The following LILRA5 variants were observed in gnomAD, a reference collection of about 807,000 sequenced individuals.
LILRA5 encodes leukocyte immunoglobulin-like receptor subfamily A member 5.
A neutral mutation model predicts 36.3 loss-of-function variants in LILRA5; 31 were observed. The observed-to-expected ratio is 0.85, with a 90% CI of 0.64 to 1.15. The LOEUF (loss-of-function observed/expected upper bound fraction) is 1.15, where lower values mean the gene tolerates loss of function less well. LILRA5 is among the 50% of genes most tolerant of loss of function. LILRA5 has a pLI of 0.00. For synonymous variants in LILRA5, 144 were observed against 144.8 expected, an observed-to-expected ratio of 0.99 and a Z score of 0.04; for missense variants, 348 against 377.4, an observed-to-expected ratio of 0.92 and a Z score of 0.64.
In LILRA5 at chr19:54,307,477, A is replaced by G. The variant is rs1219822725; in HGVS notation, c.836T>C (p.Leu279Pro). The change falls in exon 7 of 7, where the codon CTT becomes CCT. Residue 279 changes from leucine to proline, a missense_variant. Leu to Pro is a moderately conservative substitution (Grantham distance 98). Transcript: ENST00000432233. ...CCAATCCTGAAATATCAGAATCCCA[A>G]GGACCACCAGGATCAAGCCGGCCAT... is the stretch of plus-strand genomic sequence containing the variant. The part of the protein sequence containing the change: ...MGMAGLILVV[L>P]GILIFQDWHS... The G allele has an allele frequency of 6.2e-6, 10 of 1,614,034 alleles. No individual in the cohort carries two copies. The South Asian group carries it at 6.6e-5, about 11-fold the overall frequency.
At chr19:54,310,810 T>C in intron 5 of LILRA5, 1 of 261,664 alleles carries the variant, frequency 3.8e-6, no homozygotes. Context: ...GAGGGTCAGG[T>C]TCTCTCCAGG....
Position 54,313,086 on chromosome 19 carries a change from A to C in LILRA5, c.-67T>G, listed in dbSNP as rs1304879013. 4 of 1,477,454 alleles carry C rather than the reference A, an allele frequency of 2.7e-6. No homozygotes were observed. Among genetic ancestry groups the C allele is most frequent in the African/African-American group, 2.8e-5 (2 of 72,112 alleles). The allele number at this position is 1,477,454 out of a possible 1,614,324, so 91.5% of individuals were successfully genotyped here. A position where few individuals can be genotyped will look rare whatever the true frequency, so the allele number is the denominator to read the frequency against. Reference sequence around the variant, plus strand: ...GCAGGTCCATGCCACAGGCAGACTCAGATCAGCAGAGACACATCTGACACC... The same window carrying C: ...GCAGGTCCATGCCACAGGCAGACTCCGATCAGCAGAGACACATCTGACACC... On this transcript the variant is annotated 5_prime_UTR_variant, in exon 1 of 7. Transcript: ENST00000432233.
intron 2 of LILRA5, 60 bp downstream of exon 2, chr19:54,312,477 G>A (rs970225048): frequency 3.2e-5 from 52 of 1,613,620 alleles, no homozygotes; most frequent in African/African-American, 1.2e-4. Context: ...CAAGGGCCTC[G>A]TTATGGGGTG....
intron 5 of LILRA5, chr19:54,308,380 T>TAA (rs2080936795): frequency 1.6e-5 from 1 of 62,566 alleles, no homozygotes; most frequent in South Asian, 5.4e-4. Flanking sequence ...TATATATATA[T>TAA]ATATATATAT....
intron 2 of LILRA5, 72 bp downstream of exon 2, chr19:54,312,465 G>A: frequency 1.2e-6 from 2 of 1,613,864 alleles, no homozygotes; most frequent in Non-Finnish European, 1.7e-6. Context: ...TTTCCTGATA[G>A]ACAAGGGCCT....
chr19:54,312,797 A>G, intron 1 of LILRA5, 176 bp from the exon 2 acceptor site: 1 of 776,456 alleles, frequency 1.3e-6, no homozygotes, highest in Non-Finnish European at 2.1e-6. Flanking sequence ...GGCTCTCTGC[A>G]GACATTTCAG....
At chr19:54,309,153 T>C (rs1272728698) in intron 5 of LILRA5, 3 of 152,142 alleles carry the variant, frequency 2.0e-5, no homozygotes. Context: ...TTCTCATGTG[T>C]ATATCTTACT....
chr19:54,307,358 A>G lies in LILRA5; in HGVS notation c.*55T>C. 1 of 1,558,436 alleles carries G rather than the reference A, an allele frequency of 6.4e-7. No individual in the cohort carries two copies. The highest frequency in any genetic ancestry group is 1.2e-5 in the South Asian group (1 of 81,126). On this transcript the variant is annotated 3_prime_UTR_variant, in exon 7 of 7. Coordinates refer to ENST00000432233, the MANE Select transcript of LILRA5 (RefSeq NM_021250.4). ...TGGTCTTCCCGAACCTCCTAGGACCATCAGATTCGCTTCCAAGGCTCCAGC... is the reference window on the plus strand; with the variant it reads ...TGGTCTTCCCGAACCTCCTAGGACCGTCAGATTCGCTTCCAAGGCTCCAGC...
intron 5 of LILRA5, chr19:54,308,401 ATATATATG>A (rs1215424173): frequency 9.6e-6 from 1 of 104,066 alleles, no homozygotes; most frequent in Admixed American, 1.1e-4. Flanking sequence ...ATATATATAT[ATATATATG>A]GTGTTACAGA....
At chr19:54,308,774 G>A (rs1036907786) in intron 5 of LILRA5, 4 of 151,998 alleles carry the variant, frequency 2.6e-5, no homozygotes, top group Non-Finnish European at 5.9e-5. Flanking sequence ...GTGAGTCTAG[G>A]TGAGAAGACC....
In LILRA5 at chr19:54,313,148, G is replaced by A. The variant is rs1265957484; in HGVS notation, c.-129C>T. 5.4e-6 allele frequency: 5 copies of A among 923,526 alleles called. No individual in the cohort carries two copies. The highest frequency in any genetic ancestry group is 8.7e-6 in the Non-Finnish European group (5 of 576,124). The allele number at this position is 923,526 out of a possible 1,614,324, so 57.2% of individuals were successfully genotyped here. On this transcript the variant is annotated 5_prime_UTR_variant, in exon 1 of 7. Coordinates refer to ENST00000432233, the MANE Select transcript of LILRA5 (RefSeq NM_021250.4). ...CCCAGGCTGAGCTGCATGTGGCAAT[G>A]AGCACAGAGGAGAAATGCAGGGAAA...
In LILRA5 at chr19:54,307,431, T is replaced by C. The variant is rs199675550; in HGVS notation, c.882A>G (p.Gln294=). The change falls in exon 7 of 7, where the codon CAA becomes CAG. Residue 294 remains glutamine (Q), a synonymous_variant. Transcript: ENST00000432233. ...FQDWHSQRSP[Q]AAAGR ...CTTCTGTTCACCTTCCAGCTGCAGCTTGGGGGCTTCTCTGGCTGTGCCAAT... is the reference window on the plus strand; with the variant it reads ...CTTCTGTTCACCTTCCAGCTGCAGCCTGGGGGCTTCTCTGGCTGTGCCAAT... 9.3e-6 allele frequency: 15 copies of C among 1,612,768 alleles called. No homozygotes were observed. Among genetic ancestry groups the C allele is most frequent in the Middle Eastern group, 1.7e-4 (1 of 6,056 alleles).
chr19:54,307,267 GAAAGA>G lies in LILRA5; in HGVS notation c.*141_*145del, dbSNP rs2080894712. 1.8e-5 allele frequency: 5 copies of G among 278,634 alleles called. No homozygotes were observed. The highest frequency in any genetic ancestry group is 1.1e-3 in the Middle Eastern group (1 of 922). The allele number at this position is 278,634 out of a possible 1,614,324, so 17.3% of individuals were successfully genotyped here. On this transcript the variant is annotated 3_prime_UTR_variant, in exon 7 of 7. Transcript: ENST00000432233. ...CAAAAAAAAAAAAAAAAAAAAAAAA[GAAAGA>G]AAAGAAAAGAAAGAAAAAAAGAAAT...
At position 54,313,150 on chromosome 19, in the gene LILRA5, G is replaced by A; in HGVS notation, c.-131C>T. On this transcript the variant is annotated 5_prime_UTR_variant, in exon 1 of 7. Coordinates refer to ENST00000432233, the MANE Select transcript of LILRA5 (RefSeq NM_021250.4). ...CAGGCTGAGCTGCATGTGGCAATGAGCACAGAGGAGAAATGCAGGGAAATA... is the reference window on the plus strand; with the variant it reads ...CAGGCTGAGCTGCATGTGGCAATGAACACAGAGGAGAAATGCAGGGAAATA... 2 of 926,010 alleles carry A rather than the reference G, an allele frequency of 2.2e-6. No individual in the cohort carries two copies. The highest frequency in any genetic ancestry group is 2.4e-4 in the Middle Eastern group (1 of 4,130). The allele number at this position is 926,010 out of a possible 1,614,324, so 57.4% of individuals were successfully genotyped here.
At chr19:54,308,500 G>A (rs374106101) in intron 5 of LILRA5, 3 of 149,234 alleles carry the variant, frequency 2.0e-5, no homozygotes, top group African/African-American at 4.9e-5. Flanking sequence ...AGGCCAAGGC[G>A]GGCAGATCAC....
chr19:54,310,708 G>A, intron 5 of LILRA5: 1 of 332,832 alleles, frequency 3.0e-6, no homozygotes, highest in South Asian at 2.3e-5. Flanking sequence ...GCCTGGGAGA[G>A]CCCAGCCTGG....
Position 54,311,930 on chromosome 19 carries a change from G to C in LILRA5, c.343C>G (p.Arg115Gly). The stretch of plus-strand genomic sequence containing the variant: ...CCTGCAGGGCTGTAGTAGTAACAGC[G>C]GTATCTCCCTGCATGGTGCTCTGTC... ...SMTEHHAGRY[R>G]CYYYSPAGWS... The change falls in exon 4 of 7, where the codon CGC becomes GGC. Residue 115 changes from arginine to glycine, a missense_variant. Coordinates refer to ENST00000432233, the MANE Select transcript of LILRA5 (RefSeq NM_021250.4). 1 of 1,614,166 alleles carries C rather than the reference G, an allele frequency of 6.2e-7. No individual in the cohort carries two copies. Among genetic ancestry groups the C allele is most frequent in the Non-Finnish European group, 8.5e-7 (1 of 1,180,018 alleles).
At chr19:54,310,018 G>A (rs766163365) in intron 5 of LILRA5, 204 of 315,434 alleles carry the variant, frequency 6.5e-4, no homozygotes, top group Non-Finnish European at 1.1e-3. Context: ...TAAAGGAGCA[G>A]GTCTGGCGTG....
chr19:54,310,088 T>C (rs921141436), intron 5 of LILRA5: 17 of 240,148 alleles, frequency 7.1e-5, no homozygotes, highest in African/African-American at 2.8e-4. Context: ...TCCCCTGTCC[T>C]GAGTGGGCTC....
Sources: allele counts gnomAD v4.1 joint callset, GRCh38; gene constraint gnomAD v4.1.1; transcripts MANE v1.5; gene names NCBI Gene and HGNC (gene_info 2026-07-23, HGNC 2026-07-21).